Variants in SCGB1A1 observed in about 807,000 individuals in gnomAD.
SCGB1A1 encodes secretoglobin family 1A member 1, also known as uteroglobin.
A neutral mutation model predicts 7.5 loss-of-function variants in SCGB1A1; 8 were observed. The ratio of observed to expected loss-of-function variants is 1.07; its 90% CI spans 0.63 to 1.92. SCGB1A1 has a LOEUF of 1.92. SCGB1A1 is among the 30% of genes most tolerant of loss of function. SCGB1A1 has a pLI of 0.00. For missense variants in SCGB1A1, 121 were observed against 112.7 expected, an observed-to-expected ratio of 1.07 and a Z score of -0.33; for synonymous variants, 44 against 40.8, an observed-to-expected ratio of 1.08 and a Z score of -0.30.
Position 62,419,969 on chromosome 11 carries a change from T to A in SCGB1A1, c.55+819T>A, listed in dbSNP as rs1325124697. ...TATTTTTTAATAAACAAACTCCAATTAATTCACTTGGAAAGCTTCACAACA... is the reference window on the plus strand; with the variant it reads ...TATTTTTTAATAAACAAACTCCAATAAATTCACTTGGAAAGCTTCACAACA... On this transcript the variant is annotated intron_variant, in intron 1 of 2. Transcript: ENST00000278282. 2.0e-5 allele frequency among the ~76,000 whole-genome samples: 3 copies of A among 152,220 alleles called. No individual in the cohort carries two copies. The East Asian group carries it at 5.8e-4, about 29-fold the overall frequency.
At chr11:62,419,936 G>A (rs1037800237) in intron 1 of SCGB1A1, among the ~76,000 whole-genome samples, 15 of 152,268 alleles carry the variant, frequency 9.9e-5, no homozygotes, top group African/African-American at 3.4e-4. Context: ...ATCTGAAAAT[G>A]CTGTTGTTAT....
rs191422708 is a variant in SCGB1A1, at chr11:62,419,086, C to T, written c.-10C>T. 1.9e-5 allele frequency: 30 copies of T among 1,586,454 alleles called. 1 individual carries two copies. The highest frequency in any genetic ancestry group is 3.3e-4 in the Middle Eastern group (2 of 5,976). On this transcript the variant is annotated 5_prime_UTR_variant, in exon 1 of 3. Coordinates refer to ENST00000278282, the MANE Select transcript of SCGB1A1 (RefSeq NM_003357.5). ...ACCAGAGACGGGCCAGAGCATCCCC[C>T]TCCTCCACCATGAAACTCGCTGTCA...
chr11:62,422,118 C>T (rs913371845), intron 1 of SCGB1A1, 103 bp from the exon 2 acceptor site: 3 of 903,136 alleles, frequency 3.3e-6, no homozygotes, highest in African/African-American at 1.7e-5. Flanking sequence ...TGCTATCTCT[C>T]GCTGATGGGC....
At chr11:62,420,835 C>T (rs1399276326) in intron 1 of SCGB1A1, among the ~76,000 whole-genome samples, 2 of 151,044 alleles carry the variant, frequency 1.3e-5, no homozygotes, top group Non-Finnish European at 3.0e-5. Flanking sequence ...CTTGGGAGGC[C>T]GAGGCAGGAG....
chr11:62,422,366 C>T lies in SCGB1A1; in HGVS notation c.201C>T (p.Asp67=). Reference sequence around the variant, plus strand: ...GGGCTCAGCTGAAGAAGCTGGTGGACACCCTCCCCCAAAAGCCCAGAGAAA... The same window carrying T: ...GGGCTCAGCTGAAGAAGCTGGTGGATACCCTCCCCCAAAAGCCCAGAGAAA... The part of the protein sequence containing the change: ...EAGAQLKKLV[D]TLPQKPRESI... Residue 67 remains aspartate (D), a synonymous_variant, in exon 2 of 3, where the codon GAC becomes GAT. Coordinates refer to ENST00000278282, the MANE Select transcript of SCGB1A1 (RefSeq NM_003357.5). 6.2e-7 allele frequency: 1 copy of T among 1,613,958 alleles called. No homozygotes were observed. The highest frequency in any genetic ancestry group is 8.5e-7 in the Non-Finnish European group (1 of 1,179,908).
chr11:62,419,424 G>A (rs923573566), intron 1 of SCGB1A1, among the ~76,000 whole-genome samples: 2 of 152,210 alleles, frequency 1.3e-5, no homozygotes, highest in African/African-American at 4.8e-5. Context: ...GGAGGGAGGA[G>A]TGGAGAATAC....
chr11:62,419,219 G>A, intron 1 of SCGB1A1, 69 bp downstream of exon 1: 4 of 1,240,460 alleles, frequency 3.2e-6, no homozygotes, highest in Non-Finnish European at 3.2e-6. Flanking sequence ...GTTCTGCTCA[G>A]AAGAAGGAGT....
intron 1 of SCGB1A1, 136 bp from the exon 2 acceptor site, chr11:62,422,085 C>G: frequency 6.3e-6 from 4 of 631,650 alleles, no homozygotes; most frequent in East Asian, 2.8e-5. Context: ...AAATCTTACA[C>G]TCTAGTCCAT....
Position 62,422,273 on chromosome 11 carries a change from G to A in SCGB1A1, c.108G>A (p.Met36Ile), listed in dbSNP as rs1161070719. The A allele has an allele frequency of 5.6e-6, 9 of 1,613,788 alleles. No homozygotes were observed. Among genetic ancestry groups the A allele is most frequent in the Non-Finnish European group, 7.6e-6 (9 of 1,179,886 alleles). ...AGCGTGTCATCGAAACCCTCCTCAT[G>A]GACACACCCTCCAGTTATGAGGCTG... ...SFQRVIETLL[M>I]DTPSSYEAAM... is the part of the protein sequence containing the mutation. The change falls in exon 2 of 3, where the codon ATG becomes ATA. Residue 36 changes from methionine (M) to isoleucine (I), a missense_variant. By Grantham distance (10) the Met-to-Ile change is conservative. Coordinates refer to ENST00000278282, the MANE Select transcript of SCGB1A1 (RefSeq NM_003357.5).
At chr11:62,422,182 G>A in intron 1 of SCGB1A1, 39 bp from the exon 2 acceptor site, 1 of 1,545,572 alleles carries the variant, frequency 6.5e-7, no homozygotes, top group Non-Finnish European at 8.8e-7. Context: ...GCTTGGAAAG[G>A]GGCCTGGAGA....
At chr11:62,421,672 CG>C (rs773698080) in intron 1 of SCGB1A1, among the ~76,000 whole-genome samples, 11 of 151,972 alleles carry the variant, frequency 7.2e-5, no homozygotes, top group Admixed American at 2.6e-4. Context: ...GAACCACGCC[CG>C]GCTAATTTTT....
intron 1 of SCGB1A1, chr11:62,421,753 T>C (rs2509968): frequency 0.72 from 106,946 of 147,726 alleles, 39,081 homozygotes; most frequent in African/African-American, 0.88. Flanking sequence ...CCTCGTGATC[T>C]GCCTGCCTCG....
intron 1 of SCGB1A1, among the ~76,000 whole-genome samples, chr11:62,419,449 T>C (rs956423250): frequency 2.0e-5 from 3 of 151,948 alleles, no homozygotes; most frequent in Non-Finnish European, 4.4e-5. Context: ...TAAAGATGAG[T>C]ACATCCAGCA....
intron 1 of SCGB1A1, among the ~76,000 whole-genome samples, chr11:62,421,390 C>T (rs1047755482): frequency 6.6e-6 from 1 of 152,178 alleles, no homozygotes; most frequent in Admixed American, 6.5e-5. Context: ...CCGCTGTGCA[C>T]ATGTGCACAC....
At position 62,422,296 on chromosome 11, in the gene SCGB1A1, C is replaced by G. The variant is rs750526068; in HGVS notation, c.131C>G (p.Ala44Gly). Residue 44 changes from alanine (A) to glycine (G), a missense_variant, in exon 2 of 3, where the codon GCT (alanine) becomes GGT (glycine). Transcript: ENST00000278282. ...ATGGACACACCCTCCAGTTATGAGGCTGCCATGGAACTTTTCAGCCCTGAT... is the reference window on the plus strand; with the variant it reads ...ATGGACACACCCTCCAGTTATGAGGGTGCCATGGAACTTTTCAGCCCTGAT... ...LLMDTPSSYE[A>G]AMELFSPDQD... 6.2e-7 allele frequency: 1 copy of G among 1,614,108 alleles called. No homozygotes were observed. Among genetic ancestry groups the G allele is most frequent in the South Asian group, 1.1e-5 (1 of 91,076 alleles).
At chr11:62,423,004 G>T in intron 2 of SCGB1A1, 55 bp from the exon 3 acceptor site, 1 of 1,520,708 alleles carries the variant, frequency 6.6e-7, no homozygotes. Flanking sequence ...GCCTAACTAT[G>T]CAATTCATTC....
At chr11:62,421,382 G>A (rs1788968181) in intron 1 of SCGB1A1, among the ~76,000 whole-genome samples, 1 of 152,114 alleles carries the variant, frequency 6.6e-6, no homozygotes, top group African/African-American at 2.4e-5. Flanking sequence ...CACAGGGCCC[G>A]CTGTGCACAT....
Position 62,419,034 on chromosome 11 carries a change from T to TACTA in SCGB1A1, c.-61_-58dup. On this transcript the variant is annotated 5_prime_UTR_variant, in exon 1 of 3. Transcript: ENST00000278282. ...AAGGCACCTTGCTGGGCATGTCTCA[T>TACTA]ACTAGCCCACCAGACTCAGAGACGG... The TACTA allele has an allele frequency of 6.8e-7, 1 of 1,468,054 alleles. No individual in the cohort carries two copies. The highest frequency in any genetic ancestry group is 9.2e-7 in the Non-Finnish European group (1 of 1,081,334). 90.9% of individuals were successfully genotyped at this position (1,468,054 alleles called of 1,614,324 possible). A position where few individuals can be genotyped will look rare whatever the true frequency, so the allele number is the denominator to read the frequency against.
chr11:62,419,094 C>A lies in SCGB1A1; in HGVS notation c.-2C>A, dbSNP rs1937714518. On this transcript the variant is annotated 5_prime_UTR_variant, in exon 1 of 3. Transcript: ENST00000278282. ...CGGGCCAGAGCATCCCCCTCCTCCA[C>A]CATGAAACTCGCTGTCACCCTCACC... 1 of 1,585,358 alleles carries A rather than the reference C, an allele frequency of 6.3e-7. No homozygotes were observed. The highest frequency in any genetic ancestry group is 2.3e-5 in the East Asian group (1 of 43,112).
Sources: allele counts gnomAD v4.1 joint callset (sites outside exome capture counted in the v4.1 genomes callset), GRCh38; gene constraint gnomAD v4.1.1; transcripts MANE v1.5; gene names NCBI Gene and HGNC (gene_info 2026-07-23, HGNC 2026-07-21).